GPC5: variants seen among roughly 807,000 people sequenced by gnomAD.
GPC5 encodes glypican-5.
A neutral mutation model predicts 53.9 loss-of-function variants in GPC5; 47 were observed. The observed-to-expected ratio is 0.87, with a 90% CI of 0.69 to 1.11. The LOEUF (loss-of-function observed/expected upper bound fraction) is 1.11. Among genes scored for constraint, GPC5 ranks in the 50% most tolerant of loss-of-function variants. The pLI is 0.00. For missense variants in GPC5, 748 were observed against 713.1 expected, an observed-to-expected ratio of 1.05 and a Z score of -0.56; for synonymous variants, 286 against 263.3, an observed-to-expected ratio of 1.09 and a Z score of -0.84.
chr13:92,613,232 C>T (rs1208074107), intron 7 of GPC5, among the ~76,000 whole-genome samples: 2 of 129,834 alleles, frequency 1.5e-5, no homozygotes, highest in Non-Finnish European at 3.1e-5. Context: ...GATATCATCT[C>T]TACATTATAT....
chr13:92,805,823 C>G (rs140959807), intron 7 of GPC5, among the ~76,000 whole-genome samples: 224 of 152,116 alleles, frequency 1.5e-3, no homozygotes, highest in African/African-American at 5.1e-3. Flanking sequence ...TGCTGTCATA[C>G]AAGCTTTATT....
intron 7 of GPC5, among the ~76,000 whole-genome samples, chr13:92,794,377 C>T (rs184436138): frequency 9.3e-4 from 142 of 152,152 alleles, no homozygotes; most frequent in African/African-American, 2.6e-3. Context: ...ATTGATGGGA[C>T]GCATCTCAAA....
At chr13:92,101,070 T>G (rs2138911909) in intron 6 of GPC5, among the ~76,000 whole-genome samples, 1 of 152,330 alleles carries the variant, frequency 6.6e-6, no homozygotes, top group Non-Finnish European at 1.5e-5. Context: ...AATAATAGTC[T>G]TATCCTTTAC....
At chr13:92,505,544 T>C (rs1880336226) in intron 7 of GPC5, among the ~76,000 whole-genome samples, 2 of 152,024 alleles carry the variant, frequency 1.3e-5, no homozygotes, top group Admixed American at 6.6e-5. Flanking sequence ...CTCTTTAAGG[T>C]GGTTGGTAGT....
chr13:92,818,940 TAG>T (rs766030441), intron 7 of GPC5, among the ~76,000 whole-genome samples: 38 of 152,014 alleles, frequency 2.5e-4, no homozygotes, highest in Non-Finnish European at 4.6e-4. Flanking sequence ...TAGATTTTCA[TAG>T]ACTTATTTGG....
chr13:92,402,052 T>C (rs532794085), intron 7 of GPC5, among the ~76,000 whole-genome samples: 9 of 152,192 alleles, frequency 5.9e-5, no homozygotes, highest in Admixed American at 2.0e-4. Context: ...GCAATTGAAA[T>C]AGTTAATTCC....
At chr13:92,756,288 T>G (rs1037824417) in intron 7 of GPC5, among the ~76,000 whole-genome samples, 1 of 152,072 alleles carries the variant, frequency 6.6e-6, no homozygotes, top group African/African-American at 2.4e-5. Flanking sequence ...CAACCCTTCA[T>G]GCTAAAAACT....
At chr13:92,639,763 G>C (rs1885527026) in intron 7 of GPC5, among the ~76,000 whole-genome samples, 1 of 152,142 alleles carries the variant, frequency 6.6e-6, no homozygotes, top group Non-Finnish European at 1.5e-5. Flanking sequence ...TAAAATGCAG[G>C]AGACATTGAA....
chr13:91,953,183 CA>C (rs2040043084), intron 6 of GPC5, among the ~76,000 whole-genome samples: 1 of 152,136 alleles, frequency 6.6e-6, no homozygotes, highest in Non-Finnish European at 1.5e-5. Context: ...AACAAGCTAG[CA>C]AGCACACTTG....
At chr13:91,551,888 G>A (rs2030662225) in intron 2 of GPC5, among the ~76,000 whole-genome samples, 1 of 151,972 alleles carries the variant, frequency 6.6e-6, no homozygotes, top group Non-Finnish European at 1.5e-5. Flanking sequence ...TATTGAGGCA[G>A]GCTATTGAAA....
intron 7 of GPC5, among the ~76,000 whole-genome samples, chr13:92,310,936 T>C (rs1170254910): frequency 1.3e-5 from 2 of 152,220 alleles, no homozygotes; most frequent in Non-Finnish European, 2.9e-5. Flanking sequence ...TCTGGATGGT[T>C]ATTCAAGTTG....
intron 7 of GPC5, among the ~76,000 whole-genome samples, chr13:92,386,402 C>T (rs1054699992): frequency 4.6e-5 from 7 of 151,958 alleles, no homozygotes; most frequent in African/African-American, 1.7e-4. Flanking sequence ...CTTTGAATGA[C>T]ACTTAGATGT....
rs1304933475 is a variant in GPC5, at chr13:92,031,767, T to C, written c.1402-113063T>C. Among the ~76,000 whole-genome samples the C allele has an allele frequency of 1.1e-3, 113 of 104,760 alleles. 4 individuals are homozygous for C. Among genetic ancestry groups the C allele is most frequent in the African/African-American group, 4.5e-3 (110 of 24,246 alleles). 68.7% of individuals were successfully genotyped at this position (104,760 alleles called of 152,430 possible). On this transcript the variant is annotated intron_variant, in intron 6 of 7. Transcript: ENST00000377067. Reference sequence around the variant, plus strand: ...ATAATATATATTATATTACATATTATATATAATATATAATATATTACATAT... The same window carrying C: ...ATAATATATATTATATTACATATTACATATAATATATAATATATTACATAT...
chr13:92,148,760 C>A lies in GPC5; in HGVS notation c.1561+3771C>A, dbSNP rs75616979. ...TAACTGATGAAGGTTCTAAACACAA[C>A]TGGAAAAAATAATTCTCTTCTTTTG... On this transcript the variant is annotated intron_variant, in intron 7 of 7. Coordinates refer to ENST00000377067, the MANE Select transcript of GPC5 (RefSeq NM_004466.6). 5.2e-3 allele frequency among the ~76,000 whole-genome samples: 784 copies of A among 152,156 alleles called. 10 individuals are homozygous for A. Among genetic ancestry groups the A allele is most frequent in the African/African-American group, 0.018 (748 of 41,526 alleles).
chr13:92,405,710 T>C (rs186133732), intron 7 of GPC5, among the ~76,000 whole-genome samples: 241 of 152,360 alleles, frequency 1.6e-3, no homozygotes, highest in African/African-American at 5.6e-3. Context: ...ATTAGTAATA[T>C]GAAACTAGCA....
chr13:91,693,412 C>T lies in GPC5; in HGVS notation c.551C>T (p.Thr184Ile). Reference protein sequence around the residue: ...VYNHLINPGVTDSSLEYSECI... With the variant: ...VYNHLINPGVIDSSLEYSECI... ...AACCACCTCATTAACCCTGGTGTGA[C>T]TGACAGTTCCCTGGAATACTCAGAA... is the stretch of plus-strand genomic sequence containing the variant. Residue 184 changes from threonine (T) to isoleucine (I), a missense_variant, in exon 3 of 8, where the codon ACT becomes ATT. Transcript: ENST00000377067. 3.1e-6 allele frequency: 5 copies of T among 1,614,152 alleles called. No homozygotes were observed. Among genetic ancestry groups the T allele is most frequent in the Middle Eastern group, 1.6e-4 (1 of 6,062 alleles).
intron 6 of GPC5, among the ~76,000 whole-genome samples, chr13:92,042,973 T>G (rs1055911007): frequency 6.6e-6 from 1 of 152,076 alleles, no homozygotes; most frequent in Non-Finnish European, 1.5e-5. Flanking sequence ...TAAACAGATA[T>G]GAAAACTTCA....
chr13:92,692,752 C>CTTTTTTTTTTTTTTTTTTTTTT, intron 7 of GPC5, among the ~76,000 whole-genome samples: 1 of 61,280 alleles, frequency 1.6e-5, no homozygotes, highest in Non-Finnish European at 3.0e-5. Context: ...CCAATATCGG[C>CTTTTTTTTTTTTTTTTTTTTTT]TATTTTTTTT....
chr13:92,712,116 A>G (rs1195222699), intron 7 of GPC5, among the ~76,000 whole-genome samples: 1 of 130,236 alleles, frequency 7.7e-6, no homozygotes. Flanking sequence ...TGTAAAGATG[A>G]AAAAAAAATG....
Sources: allele counts gnomAD v4.1 joint callset (sites outside exome capture counted in the v4.1 genomes callset), GRCh38; gene constraint gnomAD v4.1.1; transcripts MANE v1.5; gene names NCBI Gene and HGNC (gene_info 2026-07-23, HGNC 2026-07-21).